NALF1: variants seen among roughly 807,000 people sequenced by gnomAD.
NALF1 encodes the protein family with sequence similarity 155 member A.
NALF1 carries 3 observed loss-of-function variants against 48.4 expected under a neutral mutation model. That is an observed-to-expected ratio of 0.06 (90% confidence interval 0.03 to 0.16). The LOEUF (loss-of-function observed/expected upper bound fraction) is 0.16, where lower values mean the gene tolerates loss of function less well. Ranked by LOEUF, NALF1 falls within the 10% of genes least tolerant of loss-of-function variation. The probability of loss-of-function intolerance (pLI) is 1.00; values close to 1 mark genes in which losing one functional copy is unlikely to be tolerated. For missense variants in NALF1, 526 were observed against 571.5 expected (o/e 0.92, Z 0.81); for synonymous variants, 262 against 245.7 (o/e 1.07, Z -0.62).
chr13:107,256,656 G>A (rs1445446589), intron 1 of NALF1, among the ~76,000 whole-genome samples: 1 of 151,742 alleles, frequency 6.6e-6, no homozygotes, highest in Non-Finnish European at 1.5e-5. Flanking sequence ...ACTTGTTAAT[G>A]TAACTGAAAA....
intron 1 of NALF1, among the ~76,000 whole-genome samples, chr13:107,608,882 T>A (rs1240386309): frequency 6.6e-6 from 1 of 152,170 alleles, no homozygotes; most frequent in Non-Finnish European, 1.5e-5. Flanking sequence ...AAGCTAACGA[T>A]GCTGCCGTGG....
chr13:107,272,371 C>T lies in NALF1; in HGVS notation c.916-61616G>A, dbSNP rs1413507902. Among the ~76,000 whole-genome samples, 14 of 60,902 alleles carry T rather than the reference C, an allele frequency of 2.3e-4. 4 individuals carry two copies. The highest frequency in any genetic ancestry group is 2.1e-3 in the South Asian group (2 of 942). 40.0% of individuals were successfully genotyped at this position (60,902 alleles called of 152,430 possible). A position where few individuals can be genotyped will look rare whatever the true frequency, so the allele number is the denominator to read the frequency against. ...CTGGGACTACAGGCGCCCGCCACCA[C>T]GCCCGGCTAATTTTTTGTATTTTTA... On this transcript the variant is annotated intron_variant, in intron 1 of 2. Transcript: ENST00000375915.
At chr13:107,308,358 C>T (rs1449957744) in intron 1 of NALF1, among the ~76,000 whole-genome samples, 4 of 151,862 alleles carry the variant, frequency 2.6e-5, no homozygotes, top group Non-Finnish European at 5.9e-5. Flanking sequence ...CCCGCCACCA[C>T]GCCCGGCTAA....
rs755189756 is a variant in NALF1 at position 107,445,188 on chromosome 13, C to A, written c.916-234433G>T. Among the ~76,000 whole-genome samples, 57 of 152,276 alleles carry A rather than the reference C, an allele frequency of 3.7e-4. 1 individual carries two copies. In the South Asian group the frequency reaches 4.4e-3, roughly 12 times the overall value. On this transcript the variant is annotated intron_variant, in intron 1 of 2. Coordinates refer to ENST00000375915, the MANE Select transcript of NALF1 (RefSeq NM_001080396.3). ...GTGTAGTTTCAAGGAGTCACCACCA[C>A]AATGAAGGTACAGAATGACTCTGTA...
Position 107,391,369 on chromosome 13 carries a change from T to G in NALF1, c.916-180614A>C, listed in dbSNP as rs1883623843. On this transcript the variant is annotated intron_variant, in intron 1 of 2. Transcript: ENST00000375915. ...CGTGACTTACTTTTCAATCTGACTC[T>G]GGCATAATGTTACGAGAAAAGGAAA... is the stretch of plus-strand genomic sequence containing the variant. Among the ~76,000 whole-genome samples, 4 of 152,156 alleles carry G rather than the reference T, an allele frequency of 2.6e-5. No homozygotes were observed. The South Asian group carries it at 8.3e-4, about 32-fold the overall frequency.
At chr13:107,550,793 T>C (rs1202650790) in intron 1 of NALF1, among the ~76,000 whole-genome samples, 1 of 152,088 alleles carries the variant, frequency 6.6e-6, no homozygotes, top group Non-Finnish European at 1.5e-5. Flanking sequence ...AACTATAATG[T>C]TAGTTTAGGT....
chr13:107,453,803 T>A (rs1401177940), intron 1 of NALF1, among the ~76,000 whole-genome samples: 2 of 152,102 alleles, frequency 1.3e-5, no homozygotes, highest in Admixed American at 6.6e-5. Flanking sequence ...TTCCAAACCC[T>A]CTCTTTGTGA....
intron 1 of NALF1, among the ~76,000 whole-genome samples, chr13:107,660,521 A>G (rs1880710049): frequency 6.6e-6 from 1 of 151,874 alleles, no homozygotes; most frequent in African/African-American, 2.4e-5. Context: ...ACAAATAAAC[A>G]AAAAACTTAC....
rs540653077 is a variant in NALF1, at chr13:107,211,509, T to A, written c.916-754A>T. Among the ~76,000 whole-genome samples, 16 of 152,350 alleles carry A rather than the reference T, an allele frequency of 1.1e-4. 1 individual carries two copies. The South Asian group carries it at 2.5e-3, about 24-fold the overall frequency. On this transcript the variant is annotated intron_variant, in intron 1 of 2. Coordinates refer to ENST00000375915, the MANE Select transcript of NALF1 (RefSeq NM_001080396.3). The stretch of plus-strand genomic sequence containing the variant: ...CAAATGTGAAAGGACTGGGACTTCA[T>A]TCATCTCTTTGTTTTGGTGGCTATT...
At chr13:107,751,773 A>C (rs147543784) in intron 1 of NALF1, among the ~76,000 whole-genome samples, 56 of 152,264 alleles carry the variant, frequency 3.7e-4, no homozygotes, top group African/African-American at 1.3e-3. Context: ...GCTTACCCTA[A>C]AATAGACTTA....
chr13:107,800,692 T>C (rs919119230), intron 1 of NALF1, among the ~76,000 whole-genome samples: 1 of 147,566 alleles, frequency 6.8e-6, no homozygotes, highest in African/African-American at 2.5e-5. Flanking sequence ...GGTAATAAAA[T>C]ATATTATGTA....
At chr13:107,828,221 GGTCCCTTTTAGTA>G (rs1456295787) in intron 1 of NALF1, among the ~76,000 whole-genome samples, 6 of 152,074 alleles carry the variant, frequency 3.9e-5, no homozygotes, top group South Asian at 2.1e-4. Flanking sequence ...TTTGAGTGAA[GGTCCCTTTTAGTA>G]GCACTGACAT....
Position 107,797,452 on chromosome 13 carries a change from G to A in NALF1, c.915+68230C>T, listed in dbSNP as rs150248307. On this transcript the variant is annotated intron_variant, in intron 1 of 2. Transcript: ENST00000375915. ...TCTCGATCTCCTGACCTCATGATCC[G>A]CCTGCTTCAGCCTCCCAAAGTGCTG... 3.9e-3 allele frequency among the ~76,000 whole-genome samples: 591 copies of A among 152,138 alleles called. 2 individuals are homozygous for A. The highest frequency in any genetic ancestry group is 0.014 in the African/African-American group (573 of 41,510).
chr13:107,263,500 C>A (rs1257179393), intron 1 of NALF1, among the ~76,000 whole-genome samples: 1 of 152,110 alleles, frequency 6.6e-6, no homozygotes, highest in Non-Finnish European at 1.5e-5. Flanking sequence ...CTAATTCCCA[C>A]ATGTTGTGGA....
chr13:107,538,779 G>A (rs1876914506), intron 1 of NALF1, among the ~76,000 whole-genome samples: 1 of 151,972 alleles, frequency 6.6e-6, no homozygotes, highest in Non-Finnish European at 1.5e-5. Flanking sequence ...CACTAACATG[G>A]GGATCCTATC....
At chr13:107,783,520 A>G (rs1460859076) in intron 1 of NALF1, among the ~76,000 whole-genome samples, 1 of 152,218 alleles carries the variant, frequency 6.6e-6, no homozygotes, top group Non-Finnish European at 1.5e-5. Context: ...CTGTACTAAG[A>G]AAAATTCTTC....
chr13:107,237,266 G>A (rs1880372464), intron 1 of NALF1, among the ~76,000 whole-genome samples: 1 of 151,262 alleles, frequency 6.6e-6, no homozygotes, highest in Admixed American at 6.7e-5. Flanking sequence ...GTTAAACTAT[G>A]TCAATAGTTA....
At chr13:107,787,050 T>C (rs1878096980) in intron 1 of NALF1, among the ~76,000 whole-genome samples, 1 of 152,236 alleles carries the variant, frequency 6.6e-6, no homozygotes, top group Non-Finnish European at 1.5e-5. Context: ...CATTTCATGC[T>C]ATTATTTCAT....
At position 107,867,131 on chromosome 13, in the gene NALF1, C is replaced by T. The variant is rs1319872335; in HGVS notation, c.-535G>A. Among the ~76,000 whole-genome samples, 1 of 151,776 alleles carries T rather than the reference C, an allele frequency of 6.6e-6. No individual in the cohort carries two copies. The highest frequency in any genetic ancestry group is 1.5e-5 in the Non-Finnish European group (1 of 67,880). ...GGCGCCCGGAGCGCCTCCCCTCCTC[C>T]TCCTCCTCCTCCTCTTCTTCTCCTC... On this transcript the variant is annotated 5_prime_UTR_variant, in exon 1 of 3. Coordinates refer to ENST00000375915, the MANE Select transcript of NALF1 (RefSeq NM_001080396.3). This position sits in a 1 kb window ranked among gnomAD's most constrained non-coding sequence, Gnocchi z 4.4.
Sources: gnomAD v4.1 joint callset for allele counts (sites outside exome capture counted in the v4.1 genomes callset) on GRCh38, gnomAD v4.1.1 for gene constraint, Gnocchi (gnomAD v3.1) non-coding constraint, MANE v1.5 for transcripts, NCBI Gene and HGNC (gene_info 2026-07-23, HGNC 2026-07-21) for gene names.